The following CAD variants were observed in gnomAD, a reference collection of about 807,000 sequenced individuals.
The protein encoded by CAD is multifunctional protein CAD.
CAD carries 81 observed loss-of-function variants against 237.2 expected under a neutral mutation model. That is an observed-to-expected ratio of 0.34 (90% CI 0.29 to 0.41). The LOEUF is 0.41. CAD is among the 10% of genes least tolerant of loss of function. The probability of loss-of-function intolerance (pLI) is 1.00; values close to 1 mark genes in which losing one functional copy is unlikely to be tolerated. For missense variants in CAD, 2,181 were observed against 2,951.7 expected (o/e 0.74, Z 6.05); for synonymous variants, 1,196 against 1,162.8 (o/e 1.03, Z -0.58).
intron 11 of CAD, 25 bp from the exon 12 acceptor site, chr2:27,225,680 T>C (rs780032453): frequency 2.6e-6 from 4 of 1,544,172 alleles, no homozygotes; most frequent in African/African-American, 1.4e-5. Context: ...ATAACCTGTT[T>C]GTTCATCTCT....
At chr2:27,230,641 A>G (rs749898110) in intron 15 of CAD, among the ~76,000 whole-genome samples, 7 of 152,130 alleles carry the variant, frequency 4.6e-5, no homozygotes, top group African/African-American at 1.7e-4. Context: ...AAAAAAACCT[A>G]TGAACCTATG....
chr2:27,237,543 A>G lies in CAD; in HGVS notation c.4561A>G (p.Lys1521Glu). The change falls in exon 28 of 44, where the codon AAG becomes GAG. Residue 1521 changes from lysine to glutamate, a missense_variant and splice_region_variant. Coordinates refer to ENST00000264705, the MANE Select transcript of CAD (RefSeq NM_004341.5). This position sits in a 1 kb window ranked among gnomAD's most constrained non-coding sequence, Gnocchi z 4.0. ...CGCCCCTGCTCTGGCCCTGGCCCAG[A>G]AGGTGAGCCACTGCACTCTTCCTGG... ...IDAPALALAQ[K>E]LAEAGARCDF... 1 of 1,612,500 alleles carries G rather than the reference A, an allele frequency of 6.2e-7. No individual in the cohort carries two copies. Among genetic ancestry groups the G allele is most frequent in the Non-Finnish European group, 8.5e-7 (1 of 1,179,334 alleles).
At position 27,240,714 on chromosome 2, in the gene CAD, C is replaced by G; in HGVS notation, c.5594-197C>G. ...AGCCCCGGGAGGGCACCACTGCTCC[C>G]ATACAACACAGCCCCATGGGAAGCC... is the stretch of plus-strand genomic sequence containing the variant. On this transcript the variant is annotated intron_variant, in intron 35 of 43. Transcript: ENST00000264705. The surrounding 1 kb of genome is among the most constrained non-coding windows in gnomAD (Gnocchi z 4.6). 2 of 1,331,998 alleles carry G rather than the reference C, an allele frequency of 1.5e-6. No individual in the cohort carries two copies. Among genetic ancestry groups the G allele is most frequent in the Non-Finnish European group, 2.1e-6 (2 of 958,684 alleles). 82.5% of individuals were successfully genotyped at this position (1,331,998 alleles called of 1,614,324 possible). A position where few individuals can be genotyped will look rare whatever the true frequency, so the allele number is the denominator to read the frequency against.
chr2:27,237,624 T>C lies in CAD; in HGVS notation c.4563+79T>C. ...CCCTTGCTTCCCTGAGCCCTTTTCCTTCTGCCCCGCCCTATGGGCCCAGGC... is the reference window on the plus strand; with the variant it reads ...CCCTTGCTTCCCTGAGCCCTTTTCCCTCTGCCCCGCCCTATGGGCCCAGGC... On this transcript the variant is annotated intron_variant, in intron 28 of 43. Coordinates refer to ENST00000264705, the MANE Select transcript of CAD (RefSeq NM_004341.5). The surrounding 1 kb of genome is among the most constrained non-coding windows in gnomAD (Gnocchi z 4.0). The C allele has an allele frequency of 6.3e-7, 1 of 1,576,606 alleles. No homozygotes were observed. Among genetic ancestry groups the C allele is most frequent in the African/African-American group, 1.3e-5 (1 of 74,358 alleles).
At position 27,243,431 on chromosome 2, in the gene CAD, G is replaced by C. The variant is rs370501350; in HGVS notation, c.6591G>C (p.Ser2197=). 1 of 1,596,596 alleles carries C rather than the reference G, an allele frequency of 6.3e-7. No individual in the cohort carries two copies. Among genetic ancestry groups the C allele is most frequent in the South Asian group, 1.1e-5 (1 of 89,640 alleles). The part of the protein sequence containing the change: ...RVNEISVEVD[S]DPRAAYFRQA... ...TTTTTTGCAGCGTGGAAGTGGACTC[G>C]GATCCCCGCGCAGCCTACTTCCGCC... The change falls in exon 44 of 44, where the codon TCG becomes TCC. Residue 2197 remains serine, a synonymous_variant. Transcript: ENST00000264705.
chr2:27,240,271 G>A lies in CAD; in HGVS notation c.5503G>A (p.Glu1835Lys). 1 of 1,612,678 alleles carries A rather than the reference G, an allele frequency of 6.2e-7. No homozygotes were observed. Among genetic ancestry groups the A allele is most frequent in the Non-Finnish European group, 8.5e-7 (1 of 1,179,502 alleles). Reference protein sequence around the residue: ...PATSEMTTTPERPRRGIPGLP... With the variant: ...PATSEMTTTPKRPRRGIPGLP... ...GCCAACGTTATCCCTCCAGACACCT[G>A]AAAGACCCCGCCGTGGCATCCCAGG... The change falls in exon 35 of 44, where the codon GAA becomes AAA. Residue 1835 changes from glutamate to lysine, a missense_variant. Physicochemically the swap from Glu to Lys is moderately conservative, Grantham distance 56 (BLOSUM62 1). This residue lies in a region of CAD where 478 missense variants were observed against 515.0 expected (regional missense o/e 0.93). Coordinates refer to ENST00000264705, the MANE Select transcript of CAD (RefSeq NM_004341.5). This position sits in a 1 kb window ranked among gnomAD's most constrained non-coding sequence, Gnocchi z 4.6.
chr2:27,240,512 C>A lies in CAD; in HGVS notation c.5593+151C>A. The A allele has an allele frequency of 6.5e-7, 1 of 1,527,870 alleles. No individual in the cohort carries two copies. 94.6% of individuals were successfully genotyped at this position (1,527,870 alleles called of 1,614,324 possible). ...CCATCCTTTGCCTAAACAAGTCTCC[C>A]CGGTGTGAGTAGACATCTCACAGCT... is the stretch of plus-strand genomic sequence containing the variant. On this transcript the variant is annotated intron_variant, in intron 35 of 43. Coordinates refer to ENST00000264705, the MANE Select transcript of CAD (RefSeq NM_004341.5). The surrounding 1 kb of genome is among the most constrained non-coding windows in gnomAD (Gnocchi z 4.6).
Position 27,225,228 on chromosome 2 carries a change from A to G in CAD, c.1605A>G (p.Ala535=). The change falls in exon 11 of 44, where the codon GCA becomes GCG. Residue 535 remains alanine, a synonymous_variant. Transcript: ENST00000264705. ...AGCATGTGGCCCCGAGCGAGGCAGC[A>G]AATTCTCTTGAACAGGTTGGAGGGG... ...IGEHVAPSEA[A]NSLEQAQAAA... is the part of the protein sequence containing the mutation. 1 of 1,612,394 alleles carries G rather than the reference A, an allele frequency of 6.2e-7. No individual in the cohort carries two copies. The highest frequency in any genetic ancestry group is 1.3e-5 in the African/African-American group (1 of 74,922).
intron 15 of CAD, among the ~76,000 whole-genome samples, chr2:27,229,869 C>T (rs1475584203): frequency 2.4e-5 from 3 of 126,622 alleles, no homozygotes; most frequent in Non-Finnish European, 4.8e-5. Context: ...AGTGAGACTA[C>T]GTCTCAGAAA....
Position 27,221,320 on chromosome 2 carries a change from C to T in CAD, c.325C>T (p.Gln109Ter). The T allele has an allele frequency of 6.3e-7, 1 of 1,580,596 alleles. No homozygotes were observed. Among genetic ancestry groups the T allele is most frequent in the Non-Finnish European group, 8.6e-7 (1 of 1,164,350 alleles). ...CACCCGCACCCTGCATGAGTGGCTG[C>T]AGCAGCATGGCATCCCTGGCTTGCA... is the stretch of plus-strand genomic sequence containing the variant. ...SATRTLHEWL[Q>*]QHGIPGLQGV... is the part of the protein sequence containing the mutation. Residue 109 changes from glutamine (Q) to a stop codon, truncating the protein, a stop_gained, in exon 3 of 44, where the codon CAG becomes TAG. Transcript: ENST00000264705. LOFTEE classifies it high-confidence loss of function.
chr2:27,227,238 C>T (rs1675484393), intron 15 of CAD, among the ~76,000 whole-genome samples: 2 of 151,096 alleles, frequency 1.3e-5, no homozygotes, highest in African/African-American at 2.4e-5. Flanking sequence ...ACTAAATGAC[C>T]TTTTTTTTTA....
chr2:27,223,603 G>T lies in CAD; in HGVS notation c.850G>T (p.Gly284Cys), dbSNP rs761004094. The T allele has an allele frequency of 1.9e-6, 3 of 1,613,540 alleles. No individual in the cohort carries two copies. The highest frequency in any genetic ancestry group is 2.5e-6 in the Non-Finnish European group (3 of 1,180,016). ...RGHNQPCLLV[G>C]SGRCFLTSQN... The stretch of plus-strand genomic sequence containing the variant: ...CCATAACCAGCCCTGCTTGTTGGTG[G>T]GCTCTGGGCGCTGCTTTCTGACATC... The change falls in exon 7 of 44, where the codon GGC (glycine) becomes TGC (cysteine). Residue 284 changes from glycine to cysteine, a missense_variant. This residue lies in a region of CAD where 129 missense variants were observed against 143.3 expected (regional missense o/e 0.90). Coordinates refer to ENST00000264705, the MANE Select transcript of CAD (RefSeq NM_004341.5).
At position 27,238,045 on chromosome 2, in the gene CAD, T is replaced by C. The variant is rs376288984; in HGVS notation, c.4729-11T>C. On this transcript the variant is annotated splice_polypyrimidine_tract_variant and intron_variant, in intron 29 of 43. Coordinates refer to ENST00000264705, the MANE Select transcript of CAD (RefSeq NM_004341.5). ...TCTGCACACTCCTTCATCAGTTCTTTCTGCTCCCAGCATTTCGAGACATGG... is the reference window on the plus strand; with the variant it reads ...TCTGCACACTCCTTCATCAGTTCTTCCTGCTCCCAGCATTTCGAGACATGG... The C allele has an allele frequency of 2.0e-4, 320 of 1,613,986 alleles. No homozygotes were observed. The African/African-American group carries it at 4.0e-3, about 20-fold the overall frequency.
intron 6 of CAD, among the ~76,000 whole-genome samples, chr2:27,223,249 G>C (rs1461243190): frequency 6.6e-6 from 1 of 152,160 alleles, no homozygotes; most frequent in African/African-American, 2.4e-5. Flanking sequence ...TGGCCAACAT[G>C]GTGAAACTCT....
rs953575479 is a variant in CAD at position 27,235,985 on chromosome 2, A to G, written c.4075-299A>G. 1.8e-5 allele frequency: 9 copies of G among 499,730 alleles called. No homozygotes were observed. The highest frequency in any genetic ancestry group is 3.4e-5 in the East Asian group (1 of 29,506). 31.0% of individuals were successfully genotyped at this position (499,730 alleles called of 1,614,324 possible). A position where few individuals can be genotyped will look rare whatever the true frequency, so the allele number is the denominator to read the frequency against. On this transcript the variant is annotated intron_variant, in intron 25 of 43. Transcript: ENST00000264705. The surrounding 1 kb of genome is among the most constrained non-coding windows in gnomAD (Gnocchi z 5.2). ...CAGAATACACAGGAAGCAAAGAGAA[A>G]AGTCTCTTAAAATCTCTGTACCACT...
chr2:27,224,322 T>G, intron 8 of CAD, 23 bp from the exon 9 acceptor site: 1 of 1,613,972 alleles, frequency 6.2e-7, no homozygotes, highest in Non-Finnish European at 8.5e-7. Context: ...TCTAACATTC[T>G]ACGACCTTCT....
chr2:27,232,795 A>T lies in CAD; in HGVS notation c.2892+101A>T. ...CATTTCCTATTAATTGCCGTCCCTT[A>T]CTTTGGTCATAGAGCTTTGGGGTGG... On this transcript the variant is annotated intron_variant, in intron 18 of 43. Transcript: ENST00000264705. The surrounding 1 kb of genome is among the most constrained non-coding windows in gnomAD (Gnocchi z 4.1). The T allele has an allele frequency of 6.8e-7, 1 of 1,475,480 alleles. No homozygotes were observed. The highest frequency in any genetic ancestry group is 2.3e-5 in the East Asian group (1 of 44,252). 91.4% of individuals were successfully genotyped at this position (1,475,480 alleles called of 1,614,324 possible).
At chr2:27,243,345 A>G (rs1443629668) in intron 43 of CAD, 53 bp downstream of exon 43, 1 of 1,603,700 alleles carries the variant, frequency 6.2e-7, no homozygotes, top group Non-Finnish European at 8.5e-7. Context: ...ACGGGAGGAG[A>G]CTTAGTCCTG....
intron 10 of CAD, 33 bp from the exon 11 acceptor site, chr2:27,224,977 T>A: frequency 6.2e-7 from 1 of 1,607,152 alleles, no homozygotes; most frequent in Non-Finnish European, 8.5e-7. Context: ...CCCACAAGGT[T>A]CTGATGCCTG....
Sources: gnomAD v4.1 joint callset for allele counts (sites outside exome capture counted in the v4.1 genomes callset) on GRCh38, gnomAD v4.1.1 for gene constraint, gnomAD v4.1.1 regional missense constraint, Gnocchi (gnomAD v3.1) non-coding constraint, MANE v1.5 for transcripts, NCBI Gene and HGNC (gene_info 2026-07-23, HGNC 2026-07-21) for gene names.